Variants in FASTKD5 observed in about 807,000 individuals in gnomAD.
FASTKD5 encodes non-canonical pre-mRNAs endonuclease FASTKD5, mitochondrial.
In FASTKD5, 30 loss-of-function variants were observed where a neutral mutation model predicts 44.0. The observed-to-expected ratio is 0.68, with a 90% CI of 0.51 to 0.93. The LOEUF is 0.93. FASTKD5 is among the 40% of genes least tolerant of loss of function. The pLI is 0.00. For missense variants in FASTKD5, 868 were observed against 908.2 expected (o/e 0.96, Z 0.57); for synonymous variants, 335 against 342.2 (o/e 0.98, Z 0.23).
At chr20:3,153,025 A>T (rs1477016146) in intron 1 of FASTKD5, among the ~76,000 whole-genome samples, 2 of 152,252 alleles carry the variant, frequency 1.3e-5, no homozygotes, top group African/African-American at 4.8e-5. Flanking sequence ...GCTGGTTTAC[A>T]AGATAAATGT....
In FASTKD5 at chr20:3,149,230, C is replaced by A; in HGVS notation, c.-160G>T. ...AGCATATCACAAGAGCCAGGGATCA[C>A]AAATGACTGGGTCAGAATTGGTGCC... On this transcript the variant is annotated 5_prime_UTR_variant, in exon 2 of 2. Transcript: ENST00000380266. The surrounding 1 kb of genome is among the most constrained non-coding windows in gnomAD (Gnocchi z 4.1). 1 of 703,876 alleles carries A rather than the reference C, an allele frequency of 1.4e-6. No homozygotes were observed. Among genetic ancestry groups the A allele is most frequent in the Non-Finnish European group, 2.3e-6 (1 of 430,252 alleles). The allele number at this position is 703,876 out of a possible 1,614,324, so 43.6% of individuals were successfully genotyped here. A position where few individuals can be genotyped will look rare whatever the true frequency, so the allele number is the denominator to read the frequency against.
rs115243127 is a variant in FASTKD5, at chr20:3,146,978, G to A, written c.2093C>T (p.Ala698Val). Residue 698 changes from alanine (A) to valine (V), a missense_variant, in exon 2 of 2, where the codon GCT (alanine) becomes GTT (valine). Ala to Val is a moderately conservative substitution (Grantham distance 64, BLOSUM62 0). Transcript: ENST00000380266. ...ACMQTPRMKL[A>V]VQFTNRNQYC... is the part of the protein sequence containing the mutation. ...CTGGTTCCTGTTTGTGAACTGAACA[G>A]CCAGCTTCATTCTTGGGGTCTGCAT... 7.0e-5 allele frequency: 113 copies of A among 1,614,184 alleles called. No homozygotes were observed. In the East Asian group the frequency reaches 1.4e-3, roughly 21 times the overall value.
intron 1 of FASTKD5, among the ~76,000 whole-genome samples, chr20:3,156,173 CTTT>C (rs761149925): frequency 8.5e-5 from 11 of 130,148 alleles, no homozygotes; most frequent in African/African-American, 1.4e-4. Context: ...ACTTCTGACT[CTTT>C]TTTTTTTTTT....
Position 3,147,637 on chromosome 20 carries a change from G to T in FASTKD5, c.1434C>A (p.Gly478=), listed in dbSNP as rs2066580022. ...CTGGAAAGTACTCCAAAAATGCCAGGCCCAGCAGGCAGGTGGGCAGGTGTT... is the reference window on the plus strand; with the variant it reads ...CTGGAAAGTACTCCAAAAATGCCAGTCCCAGCAGGCAGGTGGGCAGGTGTT... ...YPEHLPTCLL[G]LAFLEYFPVE... The change falls in exon 2 of 2, where the codon GGC becomes GGA. Residue 478 remains glycine (G), a synonymous_variant. Coordinates refer to ENST00000380266, the MANE Select transcript of FASTKD5 (RefSeq NM_021826.5). The T allele has an allele frequency of 6.2e-7, 1 of 1,614,200 alleles. No individual in the cohort carries two copies. The highest frequency in any genetic ancestry group is 8.5e-7 in the Non-Finnish European group (1 of 1,180,044).
chr20:3,154,322 T>C (rs890573127), intron 1 of FASTKD5, among the ~76,000 whole-genome samples: 1 of 152,138 alleles, frequency 6.6e-6, no homozygotes, highest in Non-Finnish European at 1.5e-5. Context: ...CAAAAAGCCA[T>C]GCTAATAAAA....
chr20:3,149,829 C>CCAA lies in FASTKD5; in HGVS notation c.-190-572_-190-570dup, dbSNP rs1328034571. Among the ~76,000 whole-genome samples, 1 of 152,040 alleles carries CCAA rather than the reference C, an allele frequency of 6.6e-6. No individual in the cohort carries two copies. The highest frequency in any genetic ancestry group is 2.4e-5 in the African/African-American group (1 of 41,368). ...GGTCAGGAGTTCAAGACCAGCCTGG[C>CCAA]CAACAAGGCGAAATCCCGTCTCTAT... On this transcript the variant is annotated intron_variant, in intron 1 of 1. Coordinates refer to ENST00000380266, the MANE Select transcript of FASTKD5 (RefSeq NM_021826.5). The surrounding 1 kb of genome is among the most constrained non-coding windows in gnomAD (Gnocchi z 4.1).
chr20:3,147,291 G>A lies in FASTKD5; in HGVS notation c.1780C>T (p.Leu594Phe). The A allele has an allele frequency of 6.2e-7, 1 of 1,614,202 alleles. No homozygotes were observed. The highest frequency in any genetic ancestry group is 8.5e-7 in the Non-Finnish European group (1 of 1,180,046). ...HTRSSDLEVQLDVNLKPLPFN... is the reference protein window; with the variant it reads ...HTRSSDLEVQFDVNLKPLPFN... ...GGTAATGGCTTCAGGTTAACATCAA[G>A]CTGGACCTCTAAGTCAGAAGATCGG... The change falls in exon 2 of 2, where the codon CTT (leucine) becomes TTT (phenylalanine). Residue 594 changes from leucine to phenylalanine, a missense_variant. Coordinates refer to ENST00000380266, the MANE Select transcript of FASTKD5 (RefSeq NM_021826.5).
Position 3,158,966 on chromosome 20 carries a change from C to T in FASTKD5, c.-191+800G>A, listed in dbSNP as rs531940852. Reference sequence around the variant, plus strand: ...CACAAAACGCCAGCCACAGTTGGTGCTAACGCAGCTGGCTATCAGCTCCAC... The same window carrying T: ...CACAAAACGCCAGCCACAGTTGGTGTTAACGCAGCTGGCTATCAGCTCCAC... On this transcript the variant is annotated intron_variant, in intron 1 of 1. Coordinates refer to ENST00000380266, the MANE Select transcript of FASTKD5 (RefSeq NM_021826.5). Among the ~76,000 whole-genome samples the T allele has an allele frequency of 6.6e-5, 10 of 152,318 alleles. No homozygotes were observed. In the South Asian group the frequency reaches 2.1e-3, roughly 32 times the overall value.
chr20:3,151,372 C>T (rs1469582059), intron 1 of FASTKD5, among the ~76,000 whole-genome samples: 3 of 152,180 alleles, frequency 2.0e-5, no homozygotes, highest in African/African-American at 7.2e-5. Context: ...TTTCCTGCTA[C>T]AAGAGCAGAA....
At position 3,156,594 on chromosome 20, in the gene FASTKD5, G is replaced by A. The variant is rs1600426281; in HGVS notation, c.-191+3172C>T. 2 of 152,372 alleles carry A rather than the reference G, an allele frequency of 1.3e-5. 1 individual carries two copies. Among genetic ancestry groups the A allele is most frequent in the South Asian group, 4.1e-4 (2 of 4,828 alleles). The allele number at this position is 152,372 out of a possible 1,614,324, so 9.4% of individuals were successfully genotyped here. Reference sequence around the variant, plus strand: ...AGGGGTCCTAACGAAACAGAGTAGAGCCTCAGACACTCCTGGACCCTGTCA... The same window carrying A: ...AGGGGTCCTAACGAAACAGAGTAGAACCTCAGACACTCCTGGACCCTGTCA... On this transcript the variant is annotated intron_variant, in intron 1 of 1. Transcript: ENST00000380266.
At chr20:3,154,543 C>G (rs1281464416) in intron 1 of FASTKD5, among the ~76,000 whole-genome samples, 1 of 152,016 alleles carries the variant, frequency 6.6e-6, no homozygotes, top group Non-Finnish European at 1.5e-5. Context: ...ATTAGCCAAG[C>G]CTGGTGGCAC....
At position 3,147,929 on chromosome 20, in the gene FASTKD5, G is replaced by A. The variant is rs377670774; in HGVS notation, c.1142C>T (p.Ala381Val). 70 of 1,614,090 alleles carry A rather than the reference G, an allele frequency of 4.3e-5. No individual in the cohort carries two copies. Among genetic ancestry groups the A allele is most frequent in the Non-Finnish European group, 5.2e-5 (61 of 1,180,038 alleles). The change falls in exon 2 of 2, where the codon GCT (alanine) becomes GTT (valine). Residue 381 changes from alanine to valine, a missense_variant. Transcript: ENST00000380266. ...TCCCAGGGAAGGAATTCGCTGAGGAGCTATCTCTCCAATCTGCTTCATGAA... is the reference window on the plus strand; with the variant it reads ...TCCCAGGGAAGGAATTCGCTGAGGAACTATCTCTCCAATCTGCTTCATGAA... ...INFMKQIGEI[A>V]PQRIPSLGVQ...
intron 1 of FASTKD5, among the ~76,000 whole-genome samples, chr20:3,155,066 AAAAAAAG>A (rs1021954559): frequency 2.7e-5 from 4 of 148,014 alleles, no homozygotes; most frequent in African/African-American, 4.9e-5. Flanking sequence ...AAAAAAAAAA[AAAAAAAG>A]AAAAGAAAAG....
intron 1 of FASTKD5, chr20:3,151,641 A>G (rs188005578): frequency 2.5e-3 from 383 of 151,962 alleles, no homozygotes; most frequent in African/African-American, 8.9e-3. Context: ...AAAATAAAAA[A>G]TAAATTAAAA....
In FASTKD5 at chr20:3,159,832, T is replaced by C. The variant is rs1018711499; in HGVS notation, c.-257A>G. The stretch of plus-strand genomic sequence containing the variant: ...ACGCCGCGGGCGGCGGCGACACAGA[T>C]ACTGGCTCCTCCGGCGACTCCGAGC... On this transcript the variant is annotated 5_prime_UTR_variant, in exon 1 of 2. Transcript: ENST00000380266. The C allele has an allele frequency of 2.0e-5, 3 of 152,394 alleles. No homozygotes were observed. The highest frequency in any genetic ancestry group is 2.1e-4 in the South Asian group (1 of 4,830). The allele number at this position is 152,394 out of a possible 1,614,324, so 9.4% of individuals were successfully genotyped here. A position where few individuals can be genotyped will look rare whatever the true frequency, so the allele number is the denominator to read the frequency against.
intron 1 of FASTKD5, among the ~76,000 whole-genome samples, chr20:3,159,349 G>C (rs2122141921): frequency 6.6e-6 from 1 of 152,300 alleles, no homozygotes; most frequent in African/African-American, 2.4e-5. Flanking sequence ...CTGGAATCTA[G>C]TTAGGAACAC....
intron 1 of FASTKD5, among the ~76,000 whole-genome samples, chr20:3,155,851 C>G (rs11697241): frequency 3.0e-4 from 45 of 152,150 alleles, no homozygotes; most frequent in Non-Finnish European, 5.1e-4. Flanking sequence ...AAATGGTAAA[C>G]AGTGGCTACT....
At chr20:3,157,134 G>C (rs2066694156) in intron 1 of FASTKD5, among the ~76,000 whole-genome samples, 1 of 152,098 alleles carries the variant, frequency 6.6e-6, no homozygotes, top group Non-Finnish European at 1.5e-5. Context: ...CTTTCTCTAG[G>C]TGCTGAGGTA....
At chr20:3,154,340 C>T (rs907401700) in intron 1 of FASTKD5, among the ~76,000 whole-genome samples, 3 of 152,086 alleles carry the variant, frequency 2.0e-5, no homozygotes, top group Non-Finnish European at 4.4e-5. Context: ...AAAACAGTAA[C>T]AAAAATTATT....
Sources: allele counts gnomAD v4.1 joint callset (sites outside exome capture counted in the v4.1 genomes callset), GRCh38; gene constraint gnomAD v4.1.1; non-coding constraint Gnocchi (gnomAD v3.1); transcripts MANE v1.5; gene names NCBI Gene and HGNC (gene_info 2026-07-23, HGNC 2026-07-21).